Variants in RBFOX1 observed in about 807,000 individuals in gnomAD.
RBFOX1 encodes RNA binding protein fox-1 homolog 1.
In RBFOX1, 8 loss-of-function variants were observed where a neutral mutation model predicts 57.7. The observed-to-expected ratio is 0.14, with a 90% CI of 0.08 to 0.25. The LOEUF is 0.25. Among genes scored for constraint, RBFOX1 ranks in the 10% least tolerant of loss-of-function variants. RBFOX1 has a pLI of 1.00. For missense variants in RBFOX1, 611 were observed against 548.5 expected (o/e 1.11, Z -1.14); for synonymous variants, 326 against 222.4 (o/e 1.47, Z -4.15).
At chr16:7,215,337 T>G (rs1244710151) in intron 4 of RBFOX1, among the ~76,000 whole-genome samples, 1 of 152,228 alleles carries the variant, frequency 6.6e-6, no homozygotes, top group African/African-American at 2.4e-5. Context: ...CAAAGTATTA[T>G]AAATCATTCT....
chr16:6,386,810 T>G (rs1304575833), intron 2 of RBFOX1, among the ~76,000 whole-genome samples: 1 of 152,136 alleles, frequency 6.6e-6, no homozygotes, highest in Non-Finnish European at 1.5e-5. Flanking sequence ...ATATAAAGAA[T>G]TATTCATGAG....
chr16:6,480,707 T>C (rs774034903), intron 2 of RBFOX1, among the ~76,000 whole-genome samples: 6 of 152,218 alleles, frequency 3.9e-5, no homozygotes, highest in Non-Finnish European at 7.3e-5. Context: ...AGAAATGGTG[T>C]CATAAGTGTA....
chr16:6,461,899 G>T (rs145721678), intron 2 of RBFOX1, among the ~76,000 whole-genome samples: 61 of 152,226 alleles, frequency 4.0e-4, no homozygotes, highest in African/African-American at 1.4e-3. Flanking sequence ...ATTATGCTTT[G>T]TTAAACAGCC....
chr16:7,451,574 G>C (rs993550058), intron 4 of RBFOX1, among the ~76,000 whole-genome samples: 1 of 152,104 alleles, frequency 6.6e-6, no homozygotes, highest in African/African-American at 2.4e-5. Flanking sequence ...GGCTCTTAGA[G>C]ACTGGCTTCT....
At chr16:7,062,459 GTGCTTCCTTGTTGTCTGCAGTATA>G (rs754192791) in intron 4 of RBFOX1, among the ~76,000 whole-genome samples, 174 of 152,146 alleles carry the variant, frequency 1.1e-3, no homozygotes, top group Non-Finnish European at 2.2e-3. Flanking sequence ...CAGCAAGCAT[GTGCTTCCTTGTTGTCTGCAGTATA>G]TGCTTCCTTG....
chr16:7,401,547 A>G (rs991030766), intron 4 of RBFOX1, among the ~76,000 whole-genome samples: 1 of 152,208 alleles, frequency 6.6e-6, no homozygotes, highest in Non-Finnish European at 1.5e-5. Flanking sequence ...ATAGTTAACA[A>G]TGCAAGCCTC....
At chr16:5,965,158 G>C (rs1394805277) in intron 4 of RBFOX1, among the ~76,000 whole-genome samples, 1 of 152,140 alleles carries the variant, frequency 6.6e-6, no homozygotes, top group East Asian at 1.9e-4. Flanking sequence ...GAAGATGCTA[G>C]CCACTCTGTT....
intron 2 of RBFOX1, among the ~76,000 whole-genome samples, chr16:6,498,556 C>T (rs917746454): frequency 2.5e-4 from 38 of 152,156 alleles, no homozygotes; most frequent in Non-Finnish European, 4.6e-4. Flanking sequence ...TCCTCTCCAA[C>T]GATTAGATTG....
At chr16:6,210,574 T>C (rs1443048701) in intron 1 of RBFOX1, among the ~76,000 whole-genome samples, 2 of 151,392 alleles carry the variant, frequency 1.3e-5, no homozygotes, top group East Asian at 3.9e-4. Context: ...TACAAAAAAT[T>C]AGCTGGGTGA....
chr16:7,295,280 T>C (rs78912423), intron 4 of RBFOX1, among the ~76,000 whole-genome samples: 2 of 152,306 alleles, frequency 1.3e-5, no homozygotes, highest in African/African-American at 2.4e-5. Context: ...AAAAAAACTT[T>C]ACAAAAAGAA....
chr16:5,774,012 C>T (rs537612172), intron 3 of RBFOX1, among the ~76,000 whole-genome samples: 7 of 152,192 alleles, frequency 4.6e-5, no homozygotes, highest in East Asian at 1.9e-4. Flanking sequence ...CTCTTTTAAT[C>T]GATACTGCCC....
At chr16:6,496,199 CT>C (rs898024408) in intron 2 of RBFOX1, among the ~76,000 whole-genome samples, 21 of 151,784 alleles carry the variant, frequency 1.4e-4, no homozygotes, top group African/African-American at 3.4e-4. Flanking sequence ...GGCATGTGCA[CT>C]TTTTTTTTCT....
At chr16:7,503,518 G>C (rs995961762) in intron 4 of RBFOX1, among the ~76,000 whole-genome samples, 1 of 152,154 alleles carries the variant, frequency 6.6e-6, no homozygotes, top group African/African-American at 2.4e-5. Context: ...TGTGGATTTG[G>C]TTAAATGTAG....
At chr16:7,199,319 T>A (rs1323053667) in intron 4 of RBFOX1, among the ~76,000 whole-genome samples, 9 of 123,332 alleles carry the variant, frequency 7.3e-5, no homozygotes, top group Non-Finnish European at 1.5e-4. Flanking sequence ...CCACTGAGTG[T>A]TTAAAGGGTT....
intron 1 of RBFOX1, among the ~76,000 whole-genome samples, chr16:6,105,121 C>A (rs2096362881): frequency 6.6e-6 from 1 of 152,094 alleles, no homozygotes; most frequent in Non-Finnish European, 1.5e-5. Flanking sequence ...AAAAGGAAAC[C>A]ATCTTACAGC....
At chr16:6,961,796 C>A (rs968017668) in intron 3 of RBFOX1, among the ~76,000 whole-genome samples, 15 of 152,240 alleles carry the variant, frequency 9.9e-5, no homozygotes, top group Non-Finnish European at 2.1e-4. Flanking sequence ...CTTTAGCATG[C>A]TAATGCGTTA....
intron 3 of RBFOX1, among the ~76,000 whole-genome samples, chr16:5,783,631 C>T (rs1481597221): frequency 2.6e-5 from 4 of 152,164 alleles, no homozygotes; most frequent in African/African-American, 7.2e-5. Flanking sequence ...ACCATTTCCC[C>T]TGCTTTTTAA....
intron 3 of RBFOX1, among the ~76,000 whole-genome samples, chr16:6,780,466 T>A (rs866190013): frequency 6.1e-4 from 59 of 96,496 alleles, no homozygotes; most frequent in African/African-American, 2.6e-3. Flanking sequence ...TTATATATAT[T>A]TATATACATT....
chr16:6,272,073 A>C (rs1276112142), intron 1 of RBFOX1, among the ~76,000 whole-genome samples: 1 of 152,170 alleles, frequency 6.6e-6, no homozygotes. Context: ...GAATTCAACA[A>C]TATATAATAA....
Sources: gnomAD v4.1 joint callset for allele counts (sites outside exome capture counted in the v4.1 genomes callset) on GRCh38, gnomAD v4.1.1 for gene constraint, MANE v1.5 for transcripts, NCBI Gene and HGNC (gene_info 2026-07-23, HGNC 2026-07-21) for gene names.